The following OPCML variants were observed in gnomAD, a reference collection of about 807,000 sequenced individuals.
OPCML encodes opioid-binding protein/cell adhesion molecule.
A neutral mutation model predicts 37.8 loss-of-function variants in OPCML; 13 were observed. That is an observed-to-expected ratio of 0.34 (90% CI 0.22 to 0.55). The LOEUF (loss-of-function observed/expected upper bound fraction) is 0.55. OPCML is among the 20% of genes least tolerant of loss of function. The pLI, the probability that OPCML is intolerant of heterozygous loss-of-function variation, is 0.91. For missense variants in OPCML, 341 were observed against 435.6 expected, an observed-to-expected ratio of 0.78 and a Z score of 1.93; for synonymous variants, 176 against 168.8, an observed-to-expected ratio of 1.04 and a Z score of -0.33.
intron 4 of OPCML, among the ~76,000 whole-genome samples, chr11:132,472,619 C>T (rs983658041): frequency 6.6e-6 from 1 of 152,202 alleles, no homozygotes; most frequent in Non-Finnish European, 1.5e-5. Context: ...TCCATGGTAA[C>T]TGGGTCACAG....
chr11:132,724,695 C>T (rs1424956878), intron 2 of OPCML, among the ~76,000 whole-genome samples: 1 of 152,180 alleles, frequency 6.6e-6, no homozygotes. Context: ...CTTCTGCCTA[C>T]AAGCCTGTAA....
At chr11:133,228,056 T>C (rs1368794797) in intron 1 of OPCML, among the ~76,000 whole-genome samples, 2 of 152,176 alleles carry the variant, frequency 1.3e-5, no homozygotes, top group Admixed American at 1.3e-4. Flanking sequence ...TTTTCATCTT[T>C]ATTGGGAGAC....
chr11:133,478,943 A>G (rs926855757), intron 1 of OPCML, among the ~76,000 whole-genome samples: 3 of 152,184 alleles, frequency 2.0e-5, no homozygotes, highest in African/African-American at 7.2e-5. Context: ...ATCCCAGGCC[A>G]TCACTTTGTA....
rs147082007 is a variant in OPCML, at chr11:132,605,505, A to G, written c.379+51582T>C. Among the ~76,000 whole-genome samples the G allele has an allele frequency of 7.2e-3, 1,089 of 152,244 alleles. 15 individuals are homozygous for G. Among genetic ancestry groups the G allele is most frequent in the African/African-American group, 0.024 (1,016 of 41,538 alleles). ...CCTGAACCCGGGAGGTGGAGGTTGC[A>G]GTGAGCCAAGATCGCACCACTGTAC... On this transcript the variant is annotated intron_variant, in intron 3 of 7. Transcript: ENST00000524381.
intron 1 of OPCML, among the ~76,000 whole-genome samples, chr11:133,473,524 G>C (rs147837119): frequency 6.6e-6 from 1 of 152,122 alleles, no homozygotes. Flanking sequence ...AGTGAACAAG[G>C]TTACTCCATG....
At position 132,581,658 on chromosome 11, in the gene OPCML, T is replaced by G. The variant is rs549399996; in HGVS notation, c.380-52472A>C. 6.6e-5 allele frequency among the ~76,000 whole-genome samples: 10 copies of G among 152,294 alleles called. No individual in the cohort carries two copies. In the South Asian group the frequency reaches 2.1e-3, roughly 32 times the overall value. On this transcript the variant is annotated intron_variant, in intron 3 of 7. Transcript: ENST00000524381. The stretch of plus-strand genomic sequence containing the variant: ...TACATCTTAAACCTGAAAATGGACT[T>G]AAAAAAGTTCACATATTTCTTATGA...
intron 3 of OPCML, among the ~76,000 whole-genome samples, chr11:132,574,836 C>T (rs73036885): frequency 0.024 from 3,674 of 151,850 alleles, 114 homozygotes; most frequent in East Asian, 0.056. Flanking sequence ...GAGTTCTGTC[C>T]GGCATCAAAA....
At chr11:132,660,458 G>A (rs1941918364) in intron 2 of OPCML, among the ~76,000 whole-genome samples, 1 of 151,998 alleles carries the variant, frequency 6.6e-6, no homozygotes, top group Non-Finnish European at 1.5e-5. Flanking sequence ...TTTATAACAT[G>A]GCATCAAATT....
At chr11:132,884,197 T>C (rs1258275558) in intron 2 of OPCML, among the ~76,000 whole-genome samples, 1 of 152,180 alleles carries the variant, frequency 6.6e-6, no homozygotes, top group Non-Finnish European at 1.5e-5. Context: ...ACGATTGTCC[T>C]TTGGGTGTGC....
At chr11:133,142,269 G>A (rs1260346922) in intron 1 of OPCML, among the ~76,000 whole-genome samples, 1 of 152,166 alleles carries the variant, frequency 6.6e-6, no homozygotes, top group African/African-American at 2.4e-5. Flanking sequence ...TCAAAAGTCT[G>A]TAGCTTGGCA....
chr11:132,523,904 G>A (rs929544134), intron 4 of OPCML, among the ~76,000 whole-genome samples: 5 of 152,206 alleles, frequency 3.3e-5, no homozygotes, highest in African/African-American at 1.2e-4. Flanking sequence ...TGCTCCCTGA[G>A]ATGTTACTGT....
chr11:132,622,518 G>A (rs897054943), intron 3 of OPCML, among the ~76,000 whole-genome samples: 17 of 152,214 alleles, frequency 1.1e-4, no homozygotes, highest in African/African-American at 3.9e-4. Context: ...ACATGGCTGT[G>A]CTAGGAAATT....
In OPCML at chr11:132,652,385, C is replaced by G. The variant is rs148427054; in HGVS notation, c.379+4702G>C. 4.2e-3 allele frequency among the ~76,000 whole-genome samples: 539 copies of G among 126,946 alleles called. 2 individuals are homozygous for G. The highest frequency in any genetic ancestry group is 0.028 in the East Asian group (136 of 4,888). 83.3% of individuals were successfully genotyped at this position (126,946 alleles called of 152,430 possible). A position where few individuals can be genotyped will look rare whatever the true frequency, so the allele number is the denominator to read the frequency against. On this transcript the variant is annotated intron_variant, in intron 3 of 7. Transcript: ENST00000524381. ...ACACACACACACACACACACACACA[C>G]AGAGAGAGAAATCCTGAAAATGTTC... is the stretch of plus-strand genomic sequence containing the variant.
intron 2 of OPCML, among the ~76,000 whole-genome samples, chr11:132,735,493 G>GT (rs911319593): frequency 3.7e-4 from 56 of 151,752 alleles, no homozygotes; most frequent in African/African-American, 1.3e-3. Flanking sequence ...TGTTGTTGTT[G>GT]TTTTTTTTCT....
At chr11:132,504,114 T>C (rs117362633) in intron 4 of OPCML, among the ~76,000 whole-genome samples, 1,794 of 152,238 alleles carry the variant, frequency 0.012, 12 homozygotes, top group Non-Finnish European at 0.018. Flanking sequence ...AAAAGTAAGA[T>C]TGAAGAATAA....
At chr11:133,521,692 A>T (rs1948401318) in intron 1 of OPCML, among the ~76,000 whole-genome samples, 1 of 152,226 alleles carries the variant, frequency 6.6e-6, no homozygotes, top group African/African-American at 2.4e-5. Context: ...GGGGACTCCC[A>T]AGGAAACTGC....
chr11:133,320,576 C>G (rs1943305675), intron 1 of OPCML, among the ~76,000 whole-genome samples: 1 of 151,678 alleles, frequency 6.6e-6, no homozygotes, highest in African/African-American at 2.4e-5. Context: ...CACCACCTCC[C>G]CTTTCATAAA....
chr11:132,870,081 C>T (rs951198324), intron 2 of OPCML, among the ~76,000 whole-genome samples: 1 of 152,146 alleles, frequency 6.6e-6, no homozygotes, highest in Non-Finnish European at 1.5e-5. Context: ...TCTTTAACCA[C>T]GTGACCTCAT....
At chr11:132,911,908 A>G (rs1944437856) in intron 2 of OPCML, among the ~76,000 whole-genome samples, 1 of 152,212 alleles carries the variant, frequency 6.6e-6, no homozygotes, top group South Asian at 2.1e-4. Flanking sequence ...GCTTAGATTC[A>G]GAATGCACAG....
Sources: allele counts gnomAD v4.1 joint callset (sites outside exome capture counted in the v4.1 genomes callset), GRCh38; gene constraint gnomAD v4.1.1; transcripts MANE v1.5; gene names NCBI Gene and HGNC (gene_info 2026-07-23, HGNC 2026-07-21).